Variants in LMTK2 observed in about 807,000 individuals in gnomAD.
LMTK2 encodes the protein lemur tail kinase 2, also known as serine/threonine-protein kinase LMTK2.
A neutral mutation model predicts 127.5 loss-of-function variants in LMTK2; 37 were observed. The observed-to-expected ratio is 0.29, with a 90% CI of 0.22 to 0.38. The LOEUF is 0.38. LMTK2 is among the 10% of genes least tolerant of loss of function. The pLI, the probability that LMTK2 is intolerant of heterozygous loss-of-function variation, is 1.00. For missense variants in LMTK2, 1,694 were observed against 1,920.3 expected (o/e 0.88, Z 2.20); for synonymous variants, 819 against 810.1 (o/e 1.01, Z -0.19).
At chr7:98,157,465 A>C (rs1584269016) in intron 5 of LMTK2, among the ~76,000 whole-genome samples, 1 of 152,242 alleles carries the variant, frequency 6.6e-6, no homozygotes, top group Admixed American at 6.5e-5. Context: ...CAGCAGTTGC[A>C]TCCCTTGCCA....
chr7:98,157,026 T>C (rs182531157), intron 5 of LMTK2, among the ~76,000 whole-genome samples: 20 of 152,206 alleles, frequency 1.3e-4, no homozygotes, highest in African/African-American at 4.3e-4. Context: ...GGCTGGAGGA[T>C]TGCTTGAGCC....
chr7:98,146,764 A>C (rs1033907332), intron 3 of LMTK2, among the ~76,000 whole-genome samples: 2 of 152,200 alleles, frequency 1.3e-5, no homozygotes, highest in Non-Finnish European at 1.5e-5. Flanking sequence ...TTGTGTAGGA[A>C]ATAAAAAGAG....
intron 11 of LMTK2, among the ~76,000 whole-genome samples, chr7:98,198,446 CCCAGAGTG>C (rs1797662761): frequency 6.6e-6 from 1 of 152,204 alleles, no homozygotes; most frequent in Non-Finnish European, 1.5e-5. Flanking sequence ...ACCTCGGCCT[CCCAGAGTG>C]CTGGGATTAC....
intron 7 of LMTK2, among the ~76,000 whole-genome samples, chr7:98,183,528 C>T (rs1347935383): frequency 6.6e-6 from 1 of 152,124 alleles, no homozygotes; most frequent in East Asian, 1.9e-4. Flanking sequence ...GCTGGGATTA[C>T]AGGCATGCAC....
chr7:98,135,356 A>T (rs1276699912), intron 1 of LMTK2, among the ~76,000 whole-genome samples: 1 of 152,088 alleles, frequency 6.6e-6, no homozygotes, highest in Non-Finnish European at 1.5e-5. Context: ...TCTGTCACCC[A>T]GACCGGAGTG....
chr7:98,159,355 A>G lies in LMTK2; in HGVS notation c.587A>G (p.Asn196Ser). Residue 196 changes from asparagine (N) to serine (S), a missense_variant, in exon 6 of 14, where the codon AAT becomes AGT. Physicochemically the swap from Asn to Ser is conservative, Grantham distance 46 (BLOSUM62 1). Around this residue, in one of 8 missense-constraint regions of LMTK2, gnomAD observed 203 missense variants for 226.2 expected, o/e 0.90. Coordinates refer to ENST00000297293, the MANE Select transcript of LMTK2 (RefSeq NM_014916.4). ...TTTCCCAGCATTCTTCAGCATCCAA[A>G]TATTCTTCAGTGTGTTGGACAGTGC... is the stretch of plus-strand genomic sequence containing the variant. ...GEPYYILQHP[N>S]ILQCVGQCVE... 1 of 1,605,096 alleles carries G rather than the reference A, an allele frequency of 6.2e-7. No individual in the cohort carries two copies. Among genetic ancestry groups the G allele is most frequent in the Non-Finnish European group, 8.5e-7 (1 of 1,176,916 alleles).
At chr7:98,117,602 C>G (rs192743938) in intron 1 of LMTK2, among the ~76,000 whole-genome samples, 52 of 152,034 alleles carry the variant, frequency 3.4e-4, no homozygotes, top group African/African-American at 1.1e-3. Flanking sequence ...TTGTATATTC[C>G]CTGCCCCAGT....
At chr7:98,201,003 A>G (rs561582789) in intron 11 of LMTK2, among the ~76,000 whole-genome samples, 6 of 152,186 alleles carry the variant, frequency 3.9e-5, no homozygotes, top group Middle Eastern at 3.4e-3. Context: ...TTCTAATTAA[A>G]GAAATTTAAC....
At chr7:98,166,978 A>G (rs2116413632) in intron 6 of LMTK2, among the ~76,000 whole-genome samples, 1 of 152,388 alleles carries the variant, frequency 6.6e-6, no homozygotes, top group South Asian at 2.1e-4. Context: ...TTTTACTTAA[A>G]GAATATTATT....
chr7:98,201,169 A>G (rs77423436), intron 11 of LMTK2, among the ~76,000 whole-genome samples: 5,989 of 151,806 alleles, frequency 0.039, 397 homozygotes, highest in African/African-American at 0.14. Flanking sequence ...TGTGTTGATA[A>G]TTGTTTTCTT....
At chr7:98,176,972 G>A (rs1368928430) in intron 7 of LMTK2, among the ~76,000 whole-genome samples, 1 of 152,134 alleles carries the variant, frequency 6.6e-6, no homozygotes, top group Non-Finnish European at 1.5e-5. Context: ...CAGGTATACT[G>A]ACTTGTTCAG....
At chr7:98,202,150 T>C (rs963986383) in intron 11 of LMTK2, among the ~76,000 whole-genome samples, 1 of 151,968 alleles carries the variant, frequency 6.6e-6, no homozygotes, top group Non-Finnish European at 1.5e-5. Flanking sequence ...TTGGATTGGG[T>C]GATTTCTGTT....
At chr7:98,132,574 A>G (rs1419939774) in intron 1 of LMTK2, among the ~76,000 whole-genome samples, 2 of 152,038 alleles carry the variant, frequency 1.3e-5, no homozygotes, top group Non-Finnish European at 1.5e-5. Flanking sequence ...AAAAACTGGC[A>G]AAGAGAAAGA....
Position 98,107,215 on chromosome 7 carries a change from T to TG in LMTK2, c.39dup (p.Leu14AlafsTer57), listed in dbSNP as rs1184126148. The stretch of plus-strand genomic sequence containing the variant: ...CCGGCGTTGCGGCGGAGGCTGCTGC[T>TG]GCTGCTGCTGGTCCTCCTGATCGCC... On this transcript the variant is annotated frameshift_variant, in exon 1 of 14. Coordinates refer to ENST00000297293, the MANE Select transcript of LMTK2 (RefSeq NM_014916.4). LOFTEE classifies it high-confidence loss of function. 1 of 1,464,616 alleles carries TG rather than the reference T, an allele frequency of 6.8e-7. No individual in the cohort carries two copies. Among genetic ancestry groups the TG allele is most frequent in the Non-Finnish European group, 9.0e-7 (1 of 1,115,904 alleles). The allele number at this position is 1,464,616 out of a possible 1,614,324, so 90.7% of individuals were successfully genotyped here. A position where few individuals can be genotyped will look rare whatever the true frequency, so the allele number is the denominator to read the frequency against.
chr7:98,129,355 A>T (rs987707111), intron 1 of LMTK2, among the ~76,000 whole-genome samples: 5 of 148,934 alleles, frequency 3.4e-5, no homozygotes, highest in South Asian at 2.2e-4. Context: ...AAGTTTATTC[A>T]GTTTTGTTTT....
rs200739820 is a variant in LMTK2, at chr7:98,190,776, G to A, written c.1047G>A (p.Pro349=). The A allele has an allele frequency of 3.4e-4, 547 of 1,614,086 alleles. 2 individuals are homozygous for A. Among genetic ancestry groups the A allele is most frequent in the Middle Eastern group, 2.1e-3 (13 of 6,062 alleles). Residue 349 remains proline, a synonymous_variant, in exon 10 of 14, where the codon CCG becomes CCA. Coordinates refer to ENST00000297293, the MANE Select transcript of LMTK2 (RefSeq NM_014916.4). ...LWELFDNAAQ[P]YSNLSNLDVL... is the part of the protein sequence containing the mutation. ...AGCTTTTTGACAATGCCGCACAGCC[G>A]TATTCAAACCTTTCCAACTTAGATG...
At chr7:98,185,219 T>G in intron 8 of LMTK2, 84 bp downstream of exon 8, 1 of 942,868 alleles carries the variant, frequency 1.1e-6, no homozygotes, top group Non-Finnish European at 1.7e-6. Flanking sequence ...ACTGTTTGTA[T>G]AAGAATCTTA....
chr7:98,183,977 C>G (rs1797392757), intron 7 of LMTK2, among the ~76,000 whole-genome samples: 1 of 152,144 alleles, frequency 6.6e-6, no homozygotes, highest in East Asian at 1.9e-4. Flanking sequence ...TGCTGAGAGG[C>G]AGTAGTTGGT....
chr7:98,190,604 A>G, intron 9 of LMTK2, 124 bp from the exon 10 acceptor site: 1 of 909,624 alleles, frequency 1.1e-6, no homozygotes, highest in Non-Finnish European at 1.8e-6. Flanking sequence ...AACAACAAAG[A>G]TCCTATTAAT....
Sources: allele counts gnomAD v4.1 joint callset (sites outside exome capture counted in the v4.1 genomes callset), GRCh38; gene constraint gnomAD v4.1.1; regional missense constraint gnomAD v4.1.1; transcripts MANE v1.5; gene names NCBI Gene and HGNC (gene_info 2026-07-23, HGNC 2026-07-21).